The following CDH13 variants were observed in gnomAD, a reference collection of about 807,000 sequenced individuals.
CDH13 encodes the protein cadherin 13, also known as cadherin-13.
In CDH13, 24 loss-of-function variants were observed where a neutral mutation model predicts 63.8. The ratio of observed to expected loss-of-function variants is 0.38; its 90% CI spans 0.27 to 0.53. The LOEUF (loss-of-function observed/expected upper bound fraction) is 0.53. Ranked by LOEUF, CDH13 falls within the 20% of genes least tolerant of loss-of-function variation. CDH13 has a pLI of 0.85. For synonymous variants in CDH13, 503 were observed against 355.3 expected (o/e 1.42, Z -4.67); for missense variants, 1,049 against 903.1 (o/e 1.16, Z -2.07).
At chr16:83,124,763 C>T (rs992717172) in intron 3 of CDH13, among the ~76,000 whole-genome samples, 2 of 152,142 alleles carry the variant, frequency 1.3e-5, no homozygotes, top group African/African-American at 2.4e-5. Flanking sequence ...TTTAGGCCAA[C>T]ACCATTTATT....
chr16:82,669,359 T>C (rs1369317188), intron 1 of CDH13, among the ~76,000 whole-genome samples: 3 of 152,168 alleles, frequency 2.0e-5, no homozygotes, highest in South Asian at 2.1e-4. Flanking sequence ...TTATAGAAAA[T>C]GGACGCAGGT....
At chr16:83,529,776 T>C (rs1472933424) in intron 7 of CDH13, among the ~76,000 whole-genome samples, 3 of 152,204 alleles carry the variant, frequency 2.0e-5, no homozygotes, top group Non-Finnish European at 4.4e-5. Flanking sequence ...AATATTGATA[T>C]TGATTTTAAA....
At chr16:83,266,096 C>A (rs1907587942) in intron 5 of CDH13, among the ~76,000 whole-genome samples, 1 of 152,062 alleles carries the variant, frequency 6.6e-6, no homozygotes, top group Non-Finnish European at 1.5e-5. Context: ...GCCACCACGT[C>A]CGGCTAATTT....
chr16:83,067,521 G>C (rs1019910920), intron 3 of CDH13, among the ~76,000 whole-genome samples: 2 of 152,118 alleles, frequency 1.3e-5, no homozygotes, highest in Non-Finnish European at 2.9e-5. Flanking sequence ...CAAACGACAA[G>C]CATTTTTTGC....
At chr16:83,448,427 C>G (rs577162434) in intron 6 of CDH13, among the ~76,000 whole-genome samples, 29 of 152,276 alleles carry the variant, frequency 1.9e-4, no homozygotes, top group Admixed American at 1.9e-3. Flanking sequence ...TGGGTCAGAT[C>G]TCTTCCCTAG....
At chr16:83,198,841 C>T (rs2038948317) in intron 4 of CDH13, among the ~76,000 whole-genome samples, 1 of 152,170 alleles carries the variant, frequency 6.6e-6, no homozygotes, top group South Asian at 2.1e-4. Context: ...CATTATTCAT[C>T]ACTGGCAACT....
chr16:83,433,040 G>T (rs1206569419), intron 6 of CDH13, among the ~76,000 whole-genome samples: 1 of 152,162 alleles, frequency 6.6e-6, no homozygotes, highest in Non-Finnish European at 1.5e-5. Context: ...GAACTTTCCA[G>T]CTCCCTTGGC....
chr16:83,478,756 G>A lies in CDH13; in HGVS notation c.782-7721G>A, dbSNP rs142841861. On this transcript the variant is annotated intron_variant, in intron 6 of 13. Transcript: ENST00000567109. The stretch of plus-strand genomic sequence containing the variant: ...TCCTACCCTCAGAGTACAGGGGCAG[G>A]GATTTCTTTAACAGTCTTCACACCC... Among the ~76,000 whole-genome samples, 989 of 151,446 alleles carry A rather than the reference G, an allele frequency of 6.5e-3. 13 individuals are homozygous for A. Among genetic ancestry groups the A allele is most frequent in the South Asian group, 0.021 (100 of 4,776 alleles).
intron 1 of CDH13, among the ~76,000 whole-genome samples, chr16:82,693,330 G>T (rs560995883): frequency 6.6e-6 from 1 of 152,314 alleles, no homozygotes; most frequent in South Asian, 2.1e-4. Flanking sequence ...ACACATACAT[G>T]AAAGTCTAGG....
intron 3 of CDH13, among the ~76,000 whole-genome samples, chr16:83,089,534 A>G (rs1473220838): frequency 6.6e-6 from 1 of 152,238 alleles, no homozygotes; most frequent in Non-Finnish European, 1.5e-5. Flanking sequence ...CAGTGGGACC[A>G]GACAGGAGTC....
Position 83,585,720 on chromosome 16 carries a change from G to A in CDH13, c.961-16734G>A, listed in dbSNP as rs1291612574. 2.6e-5 allele frequency among the ~76,000 whole-genome samples: 4 copies of A among 152,008 alleles called. No homozygotes were observed. In the East Asian group the frequency reaches 7.7e-4, roughly 29 times the overall value. ...TGGAGATTGCTTAAAGAGCTGCCAG[G>A]AGTGGCAACCTACCAAAAAAAAAAC... On this transcript the variant is annotated intron_variant, in intron 7 of 13. Transcript: ENST00000567109.
At chr16:83,560,035 G>C (rs7190582) in intron 7 of CDH13, among the ~76,000 whole-genome samples, 116,802 of 152,098 alleles carry the variant, frequency 0.77, 44,805 homozygotes, top group Middle Eastern at 0.85. Context: ...AACCCTCATC[G>C]CTTCAACTTC....
Position 82,871,127 on chromosome 16 carries a change from A to G in CDH13, c.157+12654A>G, listed in dbSNP as rs140448589. On this transcript the variant is annotated intron_variant, in intron 2 of 13. Transcript: ENST00000567109. ...ACACTATTGACAATACCTGCTATTC[A>G]CTATCAAGGAAGCAGAATACAGTGC... Among the ~76,000 whole-genome samples the G allele has an allele frequency of 4.3e-3, 651 of 152,338 alleles. 5 individuals are homozygous for G. Among genetic ancestry groups the G allele is most frequent in the African/African-American group, 0.015 (615 of 41,578 alleles).
chr16:82,826,460 T>C (rs973699803), intron 1 of CDH13: 4 of 152,158 alleles, frequency 2.6e-5, no homozygotes, highest in African/African-American at 9.7e-5. Flanking sequence ...AATTGAAACA[T>C]GTTGGTAATT....
At chr16:83,163,946 T>G (rs1479843361) in intron 4 of CDH13, among the ~76,000 whole-genome samples, 1 of 152,126 alleles carries the variant, frequency 6.6e-6, no homozygotes, top group Non-Finnish European at 1.5e-5. Context: ...GTATTAATTA[T>G]GAACATAAAA....
intron 6 of CDH13, among the ~76,000 whole-genome samples, chr16:83,433,337 C>T (rs529395034): frequency 6.6e-6 from 1 of 152,296 alleles, no homozygotes; most frequent in East Asian, 1.9e-4. Context: ...CCCCTTGAGG[C>T]TTGTTGAGTA....
At chr16:82,966,716 A>G (rs1444553863) in intron 2 of CDH13, among the ~76,000 whole-genome samples, 1 of 152,212 alleles carries the variant, frequency 6.6e-6, no homozygotes, top group Non-Finnish European at 1.5e-5. Context: ...TCAAATGTTA[A>G]CATATTATCA....
chr16:83,783,430 A>C lies in CDH13; in HGVS notation c.2092A>C (p.Ser698Arg), dbSNP rs1190025906. ...CAACGCGGCAGGGGCCCTGCGCTTCAGCCTGCCCTCAGTCCTGCTCCTCAG... is the reference window on the plus strand; with the variant it reads ...CAACGCGGCAGGGGCCCTGCGCTTCCGCCTGCCCTCAGTCCTGCTCCTCAG... ...DCNAAGALRF[S>R]LPSVLLLSLF... The change falls in exon 13 of 14, where the codon AGC (serine) becomes CGC (arginine). Residue 698 changes from serine (S) to arginine (R), a missense_variant. By Grantham distance (110) the Ser-to-Arg change is moderately radical (BLOSUM62 -1). Transcript: ENST00000567109. 1 of 1,614,032 alleles carries C rather than the reference A, an allele frequency of 6.2e-7. No homozygotes were observed.
intron 6 of CDH13, chr16:83,382,947 T>C (rs1404448123): frequency 6.6e-6 from 1 of 152,206 alleles, no homozygotes; most frequent in Non-Finnish European, 1.5e-5. Context: ...CCAGACACCG[T>C]GCAGTGTGCA....
Sources: gnomAD v4.1 joint callset for allele counts (sites outside exome capture counted in the v4.1 genomes callset) on GRCh38, gnomAD v4.1.1 for gene constraint, MANE v1.5 for transcripts, NCBI Gene and HGNC (gene_info 2026-07-23, HGNC 2026-07-21) for gene names.